The following INVS variants were observed in gnomAD, a reference collection of about 807,000 sequenced individuals.
INVS encodes the protein inversin.
In INVS, 86 loss-of-function variants were observed where a neutral mutation model predicts 108.8. The observed-to-expected ratio is 0.79, with a 90% CI of 0.66 to 0.95. The LOEUF (loss-of-function observed/expected upper bound fraction) is 0.95. INVS is among the 40% of genes least tolerant of loss of function. The pLI is 0.00. For missense variants in INVS, 1,169 were observed against 1,297.4 expected, an observed-to-expected ratio of 0.90 and a Z score of 1.52; for synonymous variants, 455 against 473.5, an observed-to-expected ratio of 0.96 and a Z score of 0.51.
chr9:100,159,400 T>A (rs1829100001), intron 3 of INVS, among the ~76,000 whole-genome samples: 1 of 152,242 alleles, frequency 6.6e-6, no homozygotes, highest in Admixed American at 6.5e-5. Flanking sequence ...TCTGAGTGGC[T>A]CTACTAGCTA....
At chr9:100,104,692 T>C (rs2118820727) in intron 2 of INVS, 65 bp downstream of exon 2, 1 of 1,091,188 alleles carries the variant, frequency 9.2e-7, no homozygotes, top group Non-Finnish European at 1.4e-6. Flanking sequence ...AGTTTGTTAA[T>C]GTTAGTTTTA....
At chr9:100,146,741 CAG>C (rs1231214886) in intron 3 of INVS, among the ~76,000 whole-genome samples, 1 of 152,238 alleles carries the variant, frequency 6.6e-6, no homozygotes, top group African/African-American at 2.4e-5. Flanking sequence ...GAGAAAATAA[CAG>C]AGGTAGTATA....
chr9:100,285,143 TTGTC>T (rs1833401882), intron 13 of INVS, among the ~76,000 whole-genome samples: 1 of 152,172 alleles, frequency 6.6e-6, no homozygotes, highest in East Asian at 1.9e-4. Context: ...CAGTTTTCCT[TTGTC>T]TGAGAATGTT....
chr9:100,174,194 C>T (rs1459477598), intron 3 of INVS, among the ~76,000 whole-genome samples: 2 of 152,142 alleles, frequency 1.3e-5, no homozygotes, highest in African/African-American at 4.8e-5. Context: ...TCTTTTAACT[C>T]TGCTTAAGGA....
intron 3 of INVS, among the ~76,000 whole-genome samples, chr9:100,192,597 C>T (rs1830255207): frequency 1.3e-5 from 2 of 152,038 alleles, no homozygotes; most frequent in African/African-American, 4.8e-5. Context: ...TTTAATAGTG[C>T]CTGCATATTT....
Position 100,164,896 on chromosome 9 carries a change from CT to C in INVS, c.273+38364del, listed in dbSNP as rs71498730. Among the ~76,000 whole-genome samples the C allele has an allele frequency of 7.4e-3, 955 of 129,212 alleles. 5 individuals carry two copies. Among genetic ancestry groups the C allele is most frequent in the African/African-American group, 0.018 (641 of 35,518 alleles). The allele number at this position is 129,212 out of a possible 152,430, so 84.8% of individuals were successfully genotyped here. The stretch of plus-strand genomic sequence containing the variant: ...CTCTCTTTGTTTCTTTTGGCTTTTT[CT>C]TTTTTTTTTTTTTTTTACAACTTTT... On this transcript the variant is annotated intron_variant, in intron 3 of 16. Coordinates refer to ENST00000262457, the MANE Select transcript of INVS (RefSeq NM_014425.5).
chr9:100,117,815 C>T (rs1286417493), intron 2 of INVS, among the ~76,000 whole-genome samples: 2 of 152,076 alleles, frequency 1.3e-5, no homozygotes, highest in Non-Finnish European at 2.9e-5. Context: ...TATTAGGAGG[C>T]GGGGTCTTTG....
chr9:100,178,624 A>G (rs568830866), intron 3 of INVS, among the ~76,000 whole-genome samples: 2 of 152,386 alleles, frequency 1.3e-5, no homozygotes, highest in South Asian at 4.1e-4. Context: ...AAAGACTCCA[A>G]GAAATATAGG....
chr9:100,188,411 T>G (rs1010144460), intron 3 of INVS, among the ~76,000 whole-genome samples: 1 of 152,218 alleles, frequency 6.6e-6, no homozygotes, highest in African/African-American at 2.4e-5. Context: ...TTTTATTGAA[T>G]GCTTTTTCTG....
chr9:100,278,500 C>G (rs896563738), intron 12 of INVS, among the ~76,000 whole-genome samples: 1 of 152,128 alleles, frequency 6.6e-6, no homozygotes, highest in Admixed American at 6.6e-5. Context: ...TTCCCTGACT[C>G]GATTGTCAGT....
intron 3 of INVS, among the ~76,000 whole-genome samples, chr9:100,165,131 T>C (rs1470946994): frequency 2.0e-5 from 3 of 151,980 alleles, no homozygotes; most frequent in Non-Finnish European, 4.4e-5. Context: ...GGGTATTTAG[T>C]AGGTATATGT....
In INVS at chr9:100,126,451, G is replaced by A; in HGVS notation, c.175G>A (p.Asp59Asn). Reference protein sequence around the residue: ...RTPLMYCVLADRLDCADALLK... With the variant: ...RTPLMYCVLANRLDCADALLK... ...ACCACTTATGTATTGCGTGTTGGCTGACAGATTGGATTGTGCAGATGCTCT... is the reference window on the plus strand; with the variant it reads ...ACCACTTATGTATTGCGTGTTGGCTAACAGATTGGATTGTGCAGATGCTCT... The change falls in exon 3 of 17, where the codon GAC becomes AAC. Residue 59 changes from aspartate to asparagine, a missense_variant. Physicochemically the swap from Asp to Asn is conservative, Grantham distance 23. Coordinates refer to ENST00000262457, the MANE Select transcript of INVS (RefSeq NM_014425.5). 1 of 1,614,140 alleles carries A rather than the reference G, an allele frequency of 6.2e-7. No homozygotes were observed. The highest frequency in any genetic ancestry group is 1.1e-5 in the South Asian group (1 of 91,082).
At chr9:100,294,879 C>G (rs10116609) in intron 14 of INVS, among the ~76,000 whole-genome samples, 2 of 152,176 alleles carry the variant, frequency 1.3e-5, no homozygotes, top group South Asian at 2.1e-4. Context: ...TGCATGTAAT[C>G]GTCACTGATA....
At chr9:100,298,950 A>AT (rs1490789805) in intron 16 of INVS, among the ~76,000 whole-genome samples, 3 of 152,218 alleles carry the variant, frequency 2.0e-5, no homozygotes, top group African/African-American at 4.8e-5. Flanking sequence ...GAATTGTCAG[A>AT]TATCACTACC....
At chr9:100,109,534 C>T (rs1433357861) in intron 2 of INVS, among the ~76,000 whole-genome samples, 2 of 152,102 alleles carry the variant, frequency 1.3e-5, no homozygotes, top group Admixed American at 6.5e-5. Flanking sequence ...GTCATTACTG[C>T]CAATAATATT....
chr9:100,178,524 C>T (rs993492788), intron 3 of INVS, among the ~76,000 whole-genome samples: 1 of 151,854 alleles, frequency 6.6e-6, no homozygotes, highest in Non-Finnish European at 1.5e-5. Context: ...TCAATCAAAT[C>T]GAAGAAAGAA....
At chr9:100,174,618 A>G (rs1829650493) in intron 3 of INVS, among the ~76,000 whole-genome samples, 1 of 152,148 alleles carries the variant, frequency 6.6e-6, no homozygotes, top group African/African-American at 2.4e-5. Flanking sequence ...TAAGATAAAT[A>G]CAAAGAAAAT....
At chr9:100,209,642 C>T (rs529494749) in intron 3 of INVS, among the ~76,000 whole-genome samples, 1 of 151,830 alleles carries the variant, frequency 6.6e-6, no homozygotes, top group Non-Finnish European at 1.5e-5. Context: ...TGGTGGTGGG[C>T]GCCTGTAGTC....
At chr9:100,223,743 T>C (rs2118386604) in intron 3 of INVS, among the ~76,000 whole-genome samples, 1 of 152,372 alleles carries the variant, frequency 6.6e-6, no homozygotes, top group South Asian at 2.1e-4. Context: ...CCGTTGGCTT[T>C]TCCACCTATT....
Sources: allele counts gnomAD v4.1 joint callset (sites outside exome capture counted in the v4.1 genomes callset), GRCh38; gene constraint gnomAD v4.1.1; transcripts MANE v1.5; gene names NCBI Gene and HGNC (gene_info 2026-07-23, HGNC 2026-07-21).